The following HERC4 variants were observed in gnomAD, a reference collection of about 807,000 sequenced individuals.
HERC4 encodes the protein probable E3 ubiquitin-protein ligase HERC4.
Under a neutral mutation model 124.3 loss-of-function variants are expected in HERC4, and 28 were observed. The observed-to-expected ratio is 0.23, with a 90% CI of 0.17 to 0.31. The LOEUF (loss-of-function observed/expected upper bound fraction) is 0.31. HERC4 is among the 10% of genes least tolerant of loss of function. The pLI, the probability that HERC4 is intolerant of heterozygous loss-of-function variation, is 1.00. For synonymous variants in HERC4, 407 were observed against 421.5 expected (o/e 0.97, Z 0.42); for missense variants, 713 against 1,229.3 (o/e 0.58, Z 6.28).
At chr10:67,950,244 G>T (rs2033693620) in intron 19 of HERC4, among the ~76,000 whole-genome samples, 1 of 151,814 alleles carries the variant, frequency 6.6e-6, no homozygotes, top group Admixed American at 6.6e-5. Flanking sequence ...CTTTTGACCA[G>T]TGCAGCCTGA....
chr10:67,970,668 A>G (rs943222022), intron 15 of HERC4, among the ~76,000 whole-genome samples: 13 of 152,088 alleles, frequency 8.5e-5, no homozygotes, highest in African/African-American at 3.1e-4. Context: ...AGTCAGATTC[A>G]GAGAAGACCC....
Position 67,992,374 on chromosome 10 carries a change from CA to C in HERC4, c.1147-52del, listed in dbSNP as rs773736842. On this transcript the variant is annotated intron_variant, in intron 10 of 24. Transcript: ENST00000373700. Reference sequence around the variant, plus strand: ...GAGGGAAGAGATATTATATATAACTCAAAAACCAAGAAATTCCCACCATATA... The same window carrying C: ...GAGGGAAGAGATATTATATATAACTCAAAACCAAGAAATTCCCACCATATA... 144 of 1,574,858 alleles carry C rather than the reference CA, an allele frequency of 9.1e-5. No homozygotes were observed. The Middle Eastern group carries it at 1.6e-3, about 18-fold the overall frequency.
chr10:68,032,012 A>C (rs1456146330), intron 7 of HERC4, among the ~76,000 whole-genome samples: 1 of 152,184 alleles, frequency 6.6e-6, no homozygotes, highest in Non-Finnish European at 1.5e-5. Flanking sequence ...TCAGCCTCCC[A>C]AAGTGCTGGG....
chr10:67,923,400 C>T (rs1192661255), intron 24 of HERC4, among the ~76,000 whole-genome samples: 1 of 152,128 alleles, frequency 6.6e-6, no homozygotes, highest in Non-Finnish European at 1.5e-5. Flanking sequence ...AGTATTTTGC[C>T]ATTGCCAAAA....
chr10:67,932,206 C>T (rs1400340118), intron 23 of HERC4, among the ~76,000 whole-genome samples: 1 of 152,214 alleles, frequency 6.6e-6, no homozygotes, highest in Non-Finnish European at 1.5e-5. Flanking sequence ...ATCCATCCAC[C>T]TTGGCCTCCC....
chr10:68,067,416 A>G (rs944740923), intron 3 of HERC4, among the ~76,000 whole-genome samples: 2 of 152,204 alleles, frequency 1.3e-5, no homozygotes, highest in African/African-American at 4.8e-5. Flanking sequence ...CTTCCTTAGA[A>G]GGTATTGTGA....
At position 68,001,199 on chromosome 10, in the gene HERC4, C is replaced by T. The variant is rs556536912; in HGVS notation, c.1070-8517G>A. ...TAGCCTGGGCAACATAGTGAGACCC[C>T]GTCTCTACAAAAAAATTTAAAAATT... On this transcript the variant is annotated intron_variant, in intron 9 of 24. Coordinates refer to ENST00000373700, the MANE Select transcript of HERC4 (RefSeq NM_015601.4). Among the ~76,000 whole-genome samples, 15 of 151,594 alleles carry T rather than the reference C, an allele frequency of 9.9e-5. No individual in the cohort carries two copies. The South Asian group carries it at 2.1e-3, about 21-fold the overall frequency.
At chr10:67,967,866 A>G (rs1274371066) in intron 15 of HERC4, among the ~76,000 whole-genome samples, 3 of 151,696 alleles carry the variant, frequency 2.0e-5, no homozygotes, top group Admixed American at 2.0e-4. Context: ...TGAAACTTTT[A>G]TAAGAAAACT....
chr10:67,991,119 T>C, intron 12 of HERC4, 21 bp downstream of exon 12: 2 of 1,494,918 alleles, frequency 1.3e-6, no homozygotes, highest in South Asian at 1.5e-5. Context: ...AATTTCAGCA[T>C]ATTAAAGAAT....
intron 9 of HERC4, among the ~76,000 whole-genome samples, chr10:67,998,025 A>G (rs1212787922): frequency 6.6e-6 from 1 of 151,884 alleles, no homozygotes; most frequent in Non-Finnish European, 1.5e-5. Context: ...CAGCCTCTGG[A>G]GTAGCTGGGA....
At chr10:67,997,600 C>T (rs1392472721) in intron 9 of HERC4, among the ~76,000 whole-genome samples, 1 of 152,100 alleles carries the variant, frequency 6.6e-6, no homozygotes, top group Non-Finnish European at 1.5e-5. Context: ...GAAGCTTTAA[C>T]CCTGAGTACC....
At chr10:67,927,853 G>A (rs773298676) in intron 23 of HERC4, among the ~76,000 whole-genome samples, 30 of 152,160 alleles carry the variant, frequency 2.0e-4, no homozygotes, top group Admixed American at 1.3e-4. Context: ...AGTGAACAAA[G>A]AGGCAAAAAT....
chr10:67,959,080 C>T, intron 16 of HERC4: 1 of 1,575,510 alleles, frequency 6.3e-7, no homozygotes, highest in Non-Finnish European at 8.6e-7. Flanking sequence ...GTATATTTTA[C>T]TCTAAACATG....
In HERC4 at chr10:67,939,549, T is replaced by A. The variant is rs181570392; in HGVS notation, c.2571+39A>T. ...AGACACGGCTGTTAAATAAAAGAGA[T>A]GATAAATAATCAGGCTAACCTATGT... On this transcript the variant is annotated intron_variant, in intron 21 of 24. Transcript: ENST00000373700. 9.5e-4 allele frequency: 1,278 copies of A among 1,347,706 alleles called. 15 individuals carry two copies. The Admixed American group carries it at 0.02, about 21-fold the overall frequency. The allele number at this position is 1,347,706 out of a possible 1,614,324, so 83.5% of individuals were successfully genotyped here.
intron 21 of HERC4, 110 bp from the exon 22 acceptor site, chr10:67,936,345 A>G (rs1463651812): frequency 5.3e-6 from 3 of 563,368 alleles, no homozygotes; most frequent in Non-Finnish European, 8.6e-6. Context: ...ACTAAATTTG[A>G]GATAAAATTC....
At chr10:67,960,887 G>T in intron 16 of HERC4, 1 of 303,120 alleles carries the variant, frequency 3.3e-6, no homozygotes, top group Non-Finnish European at 6.3e-6. Context: ...TAAATAGACT[G>T]GCAAGCCTTT....
At chr10:68,028,151 C>A (rs117544194) in intron 7 of HERC4, among the ~76,000 whole-genome samples, 14,051 of 149,998 alleles carry the variant, frequency 0.094, 877 homozygotes, top group Middle Eastern at 0.18. Context: ...AGCTGGAATT[C>A]TTCTATAAAT....
intron 20 of HERC4, 113 bp from the exon 21 acceptor site, chr10:67,939,767 T>A: frequency 2.1e-6 from 1 of 470,902 alleles, no homozygotes. Context: ...GGTAAAATCC[T>A]TTTGTCAATT....
At chr10:68,012,261 C>A (rs1018611162) in intron 9 of HERC4, among the ~76,000 whole-genome samples, 2 of 152,182 alleles carry the variant, frequency 1.3e-5, no homozygotes, top group Non-Finnish European at 2.9e-5. Flanking sequence ...CAGAGTAGCA[C>A]TTTTAATTCC....
Sources: allele counts gnomAD v4.1 joint callset (sites outside exome capture counted in the v4.1 genomes callset), GRCh38; gene constraint gnomAD v4.1.1; transcripts MANE v1.5; gene names NCBI Gene and HGNC (gene_info 2026-07-23, HGNC 2026-07-21).